MRI1: variants seen among roughly 807,000 people sequenced by gnomAD.
The protein encoded by MRI1 is methylthioribose-1-phosphate isomerase.
In MRI1, 32 loss-of-function variants were observed where a neutral mutation model predicts 27.3. The ratio of observed to expected loss-of-function variants is 1.17; its 90% CI spans 0.88 to 1.57. The LOEUF (loss-of-function observed/expected upper bound fraction) is 1.57. MRI1 is among the 40% of genes most tolerant of loss of function. The pLI, the probability that MRI1 is intolerant of heterozygous loss-of-function variation, is 0.00. For missense variants in MRI1, 508 were observed against 516.1 expected (o/e 0.98, Z 0.15); for synonymous variants, 216 against 227.4 (o/e 0.95, Z 0.45).
At chr19:13,767,480 G>A (rs1363421196) in intron 3 of MRI1, among the ~76,000 whole-genome samples, 1 of 152,064 alleles carries the variant, frequency 6.6e-6, no homozygotes, top group African/African-American at 2.4e-5. Context: ...TGGGAGGATT[G>A]CTTGAACTCA....
Position 13,773,509 on chromosome 19 carries a change from C to G in MRI1, c.*1228C>G, listed in dbSNP as rs1974314690. The G allele has an allele frequency of 6.5e-6, 1 of 152,834 alleles. No individual in the cohort carries two copies. The highest frequency in any genetic ancestry group is 1.5e-5 in the Non-Finnish European group (1 of 68,070). The allele number at this position is 152,834 out of a possible 1,614,324, so 9.5% of individuals were successfully genotyped here. A position where few individuals can be genotyped will look rare whatever the true frequency, so the allele number is the denominator to read the frequency against. On this transcript the variant is annotated 3_prime_UTR_variant, in exon 6 of 6. Transcript: ENST00000040663. ...TGAGCTGGGCATGGAACTCACACCT[C>G]TAGCCCCAGCTACTCAGGCTGAAGT...
chr19:13,773,655 G>GAACAA lies in MRI1; in HGVS notation c.*1380_*1384dup, dbSNP rs3029143. ...TTAAAAAAAAAAAAAAATCCATGATGAACAAAACAAGTATTTGTTTGAGAC... is the reference window on the plus strand; with the variant it reads ...TTAAAAAAAAAAAAAAATCCATGATGAACAAAACAAAACAAGTATTTGTTTGAGAC... On this transcript the variant is annotated 3_prime_UTR_variant, in exon 6 of 6. Coordinates refer to ENST00000040663, the MANE Select transcript of MRI1 (RefSeq NM_001031727.4). 56,220 of 152,124 alleles carry GAACAA rather than the reference G, an allele frequency of 0.37. 12,377 individuals carry two copies. The highest frequency in any genetic ancestry group is 0.61 in the African/African-American group (25,131 of 41,020). The allele number at this position is 152,124 out of a possible 1,614,324, so 9.4% of individuals were successfully genotyped here. A position where few individuals can be genotyped will look rare whatever the true frequency, so the allele number is the denominator to read the frequency against.
At chr19:13,770,413 C>G (rs1312904998) in intron 5 of MRI1, among the ~76,000 whole-genome samples, 1 of 151,490 alleles carries the variant, frequency 6.6e-6, no homozygotes, top group Non-Finnish European at 1.5e-5. Context: ...AGCGAAACCA[C>G]GTCTCTACTA....
chr19:13,767,033 ATATATTTTTTTTTTTTTT>A lies in MRI1; in HGVS notation c.547+906_547+923del, dbSNP rs1295517159. On this transcript the variant is annotated intron_variant, in intron 3 of 5. Transcript: ENST00000040663. ...CATATATATATATATATATATATATATATATTTTTTTTTTTTTTTTTTTTTTTTTTTTTGAGACAGAGT... is the reference window on the plus strand; with the variant it reads ...CATATATATATATATATATATATATATTTTTTTTTTTTTTTGAGACAGAGT... Among the ~76,000 whole-genome samples the A allele has an allele frequency of 9.1e-3, 157 of 17,182 alleles. 1 individual carries two copies. Among genetic ancestry groups the A allele is most frequent in the Middle Eastern group, 0.045 (1 of 22 alleles). The allele number at this position is 17,182 out of a possible 152,430, so 11.3% of individuals were successfully genotyped here.
intron 5 of MRI1, 100 bp from the exon 6 acceptor site, chr19:13,772,021 C>T (rs1218048249): frequency 3.6e-5 from 44 of 1,210,454 alleles, no homozygotes; most frequent in Non-Finnish European, 4.9e-5. Flanking sequence ...CAAGGACTCC[C>T]CAACTCCAAG....
intron 2 of MRI1, among the ~76,000 whole-genome samples, 196 bp from the exon 3 acceptor site, chr19:13,765,758 G>C (rs1263251678): frequency 1.3e-5 from 2 of 152,224 alleles, no homozygotes; most frequent in Non-Finnish European, 2.9e-5. Flanking sequence ...GGTCATACCG[G>C]AACTGCTTGG....
chr19:13,772,291 C>T lies in MRI1; in HGVS notation c.*10C>T, dbSNP rs1694970781. ...TGGACCCCAGATGTAACCAACTCAG[C>T]TCTCCCTAGCCTGCCTCTCTAGGTT... On this transcript the variant is annotated 3_prime_UTR_variant, in exon 6 of 6. Transcript: ENST00000040663. 5 of 1,608,804 alleles carry T rather than the reference C, an allele frequency of 3.1e-6. No homozygotes were observed. Among genetic ancestry groups the T allele is most frequent in the Admixed American group, 1.7e-5 (1 of 58,788 alleles).
chr19:13,771,515 A>G (rs1426894053), intron 5 of MRI1, among the ~76,000 whole-genome samples: 3 of 152,110 alleles, frequency 2.0e-5, no homozygotes, highest in African/African-American at 7.2e-5. Context: ...TGGGTGACAC[A>G]ACGAGACTCT....
intron 3 of MRI1, among the ~76,000 whole-genome samples, chr19:13,767,641 C>CAAAA (rs112485118): frequency 0.02 from 3,031 of 151,020 alleles, 110 homozygotes; most frequent in African/African-American, 0.07. Context: ...CCCATCTCTA[C>CAAAA]AAAAAATACT....
chr19:13,765,908 G>T, intron 2 of MRI1, 46 bp from the exon 3 acceptor site: 1 of 1,546,504 alleles, frequency 6.5e-7, no homozygotes, highest in Non-Finnish European at 8.7e-7. Flanking sequence ...GTTGGCCTGG[G>T]CCCCGGGTCC....
rs35098252 is a variant in MRI1 at position 13,768,716 on chromosome 19, A to G, written c.703A>G (p.Met235Val). Residue 235 changes from methionine (M) to valine (V), a missense_variant, in exon 4 of 6, where the codon ATG becomes GTG. Met to Val is a conservative substitution (Grantham distance 21, BLOSUM62 1). This residue lies in a region of MRI1 where 457 missense variants were observed against 452.8 expected (regional missense o/e 1.01). Transcript: ENST00000040663. ...CACCGACAGCATGGTGGCTGCTGCCATGGCCCATAGGGGCGTGTCAGGTAA... is the reference window on the plus strand; with the variant it reads ...CACCGACAGCATGGTGGCTGCTGCCGTGGCCCATAGGGGCGTGTCAGGTAA... ...LITDSMVAAAMAHRGVSAVVV... is the reference protein window; with the variant it reads ...LITDSMVAAAVAHRGVSAVVV... The G allele has an allele frequency of 5.4e-3, 8,705 of 1,613,738 alleles. 397 individuals are homozygous for G. The African/African-American group carries it at 0.1, about 19-fold the overall frequency.
At chr19:13,771,228 G>A (rs1432302924) in intron 5 of MRI1, among the ~76,000 whole-genome samples, 2 of 151,662 alleles carry the variant, frequency 1.3e-5, no homozygotes, top group African/African-American at 2.4e-5. Flanking sequence ...TTAGCTGGGC[G>A]AGGTGGCAGG....
At chr19:13,770,137 T>A (rs1974239435) in intron 5 of MRI1, among the ~76,000 whole-genome samples, 1 of 152,128 alleles carries the variant, frequency 6.6e-6, no homozygotes, top group South Asian at 2.1e-4. Context: ...TTCCTGGCTG[T>A]GCAACCGTTA....
chr19:13,769,536 T>C (rs1400561405), intron 5 of MRI1, among the ~76,000 whole-genome samples: 6 of 152,174 alleles, frequency 3.9e-5, no homozygotes, highest in African/African-American at 1.4e-4. Context: ...TAACCGGTTA[T>C]ATGAATGATC....
chr19:13,767,861 C>CTTTTTTTTTTTTTTTTTTT (rs1170108927), intron 3 of MRI1, among the ~76,000 whole-genome samples: 7 of 61,082 alleles, frequency 1.1e-4, no homozygotes, highest in Non-Finnish European at 2.0e-4. Flanking sequence ...TCTTTCTTTC[C>CTTTTTTTTTTTTTTTTTTT]TTTTTTTTTT....
chr19:13,771,859 CA>C (rs1736287199), intron 5 of MRI1, among the ~76,000 whole-genome samples: 1 of 151,842 alleles, frequency 6.6e-6, no homozygotes. Flanking sequence ...CTACATCTCA[CA>C]AAAAATAAAA....
At position 13,766,042 on chromosome 19, in the gene MRI1, C is replaced by G. The variant is rs146240389; in HGVS notation, c.460C>G (p.Arg154Gly). The G allele has an allele frequency of 1.2e-6, 2 of 1,613,094 alleles. No homozygotes were observed. Among genetic ancestry groups the G allele is most frequent in the Non-Finnish European group, 1.7e-6 (2 of 1,179,808 alleles). The change falls in exon 3 of 6, where the codon CGG becomes GGG. Residue 154 changes from arginine to glycine, a missense_variant. Transcript: ENST00000040663. ...CCTAGGAGCCCGCCACCTCCTGGAG[C>G]GGGTGGCCCCCAGCGGTGGCAAGGT... ...GDLGARHLLE[R>G]VAPSGGKVTV...
intron 2 of MRI1, 47 bp downstream of exon 2, chr19:13,765,156 G>T: frequency 7.1e-7 from 1 of 1,418,354 alleles, no homozygotes; most frequent in South Asian, 1.4e-5. Context: ...GAATTATATT[G>T]ACTCTTTTTA....
chr19:13,766,318 A>T (rs1974123764), intron 3 of MRI1, among the ~76,000 whole-genome samples, 189 bp downstream of exon 3: 1 of 152,096 alleles, frequency 6.6e-6, no homozygotes, highest in Non-Finnish European at 1.5e-5. Context: ...TAGCATCAGG[A>T]CCTATCTATC....
Sources: gnomAD v4.1 joint callset for allele counts (sites outside exome capture counted in the v4.1 genomes callset) on GRCh38, gnomAD v4.1.1 for gene constraint, gnomAD v4.1.1 regional missense constraint, MANE v1.5 for transcripts, NCBI Gene and HGNC (gene_info 2026-07-23, HGNC 2026-07-21) for gene names.